Variants in SLCO1B1 observed in about 807,000 individuals in gnomAD.
The protein encoded by SLCO1B1 is OATP-2.
SLCO1B1 carries 81 observed loss-of-function variants against 70.1 expected under a neutral mutation model. That is an observed-to-expected ratio of 1.16 (90% confidence interval 0.97 to 1.39). SLCO1B1 has a LOEUF of 1.39. Ranked by LOEUF, SLCO1B1 falls within the 40% of genes most tolerant of loss-of-function variation. SLCO1B1 has a pLI of 0.00. For missense variants in SLCO1B1, 895 were observed against 799.6 expected (o/e 1.12, Z -1.44); for synonymous variants, 283 against 271.5 (o/e 1.04, Z -0.42).
intron 2 of SLCO1B1, among the ~76,000 whole-genome samples, chr12:21,159,811 C>T (rs1167269465): frequency 1.3e-5 from 2 of 151,998 alleles, no homozygotes; most frequent in African/African-American, 4.8e-5. Flanking sequence ...AAATCAGTAG[C>T]ATTCCTATAC....
intron 12 of SLCO1B1, among the ~76,000 whole-genome samples, chr12:21,220,656 C>A (rs770891503): frequency 6.6e-6 from 1 of 151,836 alleles, no homozygotes; most frequent in Non-Finnish European, 1.5e-5. Context: ...TAGGAAAGAG[C>A]GTTGTCCTCA....
rs1432077217 is a variant in SLCO1B1, at chr12:21,178,809, C to G, written c.628+87C>G. 9 of 1,384,854 alleles carry G rather than the reference C, an allele frequency of 6.5e-6. No individual in the cohort carries two copies. The Middle Eastern group carries it at 1.2e-3, about 178-fold the overall frequency. 85.8% of individuals were successfully genotyped at this position (1,384,854 alleles called of 1,614,324 possible). On this transcript the variant is annotated intron_variant, in intron 6 of 14. Coordinates refer to ENST00000256958, the MANE Select transcript of SLCO1B1 (RefSeq NM_006446.5). Reference sequence around the variant, plus strand: ...AGAGTTACTAAACTTATTATTTTACCTATTAGAACATATATTTGGGTATAT... The same window carrying G: ...AGAGTTACTAAACTTATTATTTTACGTATTAGAACATATATTTGGGTATAT...
At chr12:21,142,070 T>TTA (rs58005988) in intron 2 of SLCO1B1, among the ~76,000 whole-genome samples, 4 of 147,488 alleles carry the variant, frequency 2.7e-5, no homozygotes, top group African/African-American at 4.9e-5. Flanking sequence ...AAAATTCTTT[T>TTA]AAAAAAAAAA....
At chr12:21,238,226 C>T (rs1806104344) in intron 14 of SLCO1B1, among the ~76,000 whole-genome samples, 1 of 152,096 alleles carries the variant, frequency 6.6e-6, no homozygotes, top group African/African-American at 2.4e-5. Flanking sequence ...GTTCTATCTA[C>T]TAATAAGCCC....
chr12:21,166,008 GAA>G (rs554374583), intron 2 of SLCO1B1, among the ~76,000 whole-genome samples: 1 of 142,930 alleles, frequency 7.0e-6, no homozygotes, highest in African/African-American at 2.6e-5. Context: ...GAAGCAGAAA[GAA>G]AAAAAAAACG....
chr12:21,182,286 C>A (rs1940910598), intron 7 of SLCO1B1, among the ~76,000 whole-genome samples: 1 of 152,110 alleles, frequency 6.6e-6, no homozygotes, highest in South Asian at 2.1e-4. Flanking sequence ...GAACCCACGA[C>A]CCCCAGAGAC....
chr12:21,141,359 T>G lies in SLCO1B1; in HGVS notation c.-61-155T>G, dbSNP rs2010668. Among the ~76,000 whole-genome samples the G allele has an allele frequency of 0.9, 136,787 of 151,858 alleles. 61,904 individuals carry two copies. The highest frequency in any genetic ancestry group is 0.97 in the South Asian group (4,687 of 4,826). ...TTGTGTCTGTCTTTCCTACTTTTGT[T>G]TCCAGCATTGACCTAGCAGAGTGGT... On this transcript the variant is annotated intron_variant, in intron 1 of 14. Transcript: ENST00000256958.
chr12:21,133,437 C>T (rs1940169901), intron 1 of SLCO1B1, among the ~76,000 whole-genome samples: 1 of 152,188 alleles, frequency 6.6e-6, no homozygotes, highest in African/African-American at 2.4e-5. Context: ...TGGCCATTTT[C>T]ATGATATTGA....
In SLCO1B1 at chr12:21,197,208, T is replaced by C; in HGVS notation, c.970+20T>C. On this transcript the variant is annotated intron_variant, in intron 8 of 14. Coordinates refer to ENST00000256958, the MANE Select transcript of SLCO1B1 (RefSeq NM_006446.5). ...TGACTGGTAAGTATTTAACATTCAT[T>C]GTCAATTTGGAGTTGTTAATCTCAA... The C allele has an allele frequency of 1.2e-6, 2 of 1,611,532 alleles. No homozygotes were observed. The highest frequency in any genetic ancestry group is 1.7e-6 in the Non-Finnish European group (2 of 1,178,826).
chr12:21,204,729 T>G (rs947180886), intron 10 of SLCO1B1, among the ~76,000 whole-genome samples: 3 of 151,910 alleles, frequency 2.0e-5, no homozygotes, highest in Middle Eastern at 3.2e-3. Flanking sequence ...TTCTAAAGGC[T>G]GGAACATGTA....
At chr12:21,186,278 A>C (rs1400301629) in intron 7 of SLCO1B1, among the ~76,000 whole-genome samples, 1 of 152,128 alleles carries the variant, frequency 6.6e-6, no homozygotes, top group Non-Finnish European at 1.5e-5. Context: ...ATTGACTGTA[A>C]TATATACGTT....
At chr12:21,158,757 T>G (rs1053023180) in intron 2 of SLCO1B1, among the ~76,000 whole-genome samples, 1 of 152,126 alleles carries the variant, frequency 6.6e-6, no homozygotes, top group Non-Finnish European at 1.5e-5. Context: ...AATTCAAGAT[T>G]TATAATTATT....
chr12:21,208,228 T>G (rs1384712458), intron 11 of SLCO1B1, among the ~76,000 whole-genome samples: 1 of 152,086 alleles, frequency 6.6e-6, no homozygotes, highest in Non-Finnish European at 1.5e-5. Flanking sequence ...ATATCCAGAA[T>G]CTTTTCTTGG....
chr12:21,139,454 T>A (rs1316782238), intron 1 of SLCO1B1, among the ~76,000 whole-genome samples: 2 of 152,166 alleles, frequency 1.3e-5, no homozygotes, highest in African/African-American at 4.8e-5. Flanking sequence ...AACCATATGT[T>A]GATATATACT....
At chr12:21,208,461 GT>G (rs1423636745) in intron 11 of SLCO1B1, among the ~76,000 whole-genome samples, 1 of 151,990 alleles carries the variant, frequency 6.6e-6, no homozygotes, top group Non-Finnish European at 1.5e-5. Flanking sequence ...TTGCTTCTGG[GT>G]TCTCTATTCT....
intron 1 of SLCO1B1, 135 bp downstream of exon 1, chr12:21,131,371 C>T (rs1229517422): frequency 5.3e-5 from 8 of 151,916 alleles, no homozygotes; most frequent in Non-Finnish European, 1.0e-4. Flanking sequence ...ATTCTGAGCC[C>T]TTAAAACATA....
In SLCO1B1 at chr12:21,202,697, A is replaced by T. The variant is rs1025282419; in HGVS notation, c.1331+11A>T. On this transcript the variant is annotated intron_variant, in intron 10 of 14. Transcript: ENST00000256958. ...CATGACCTATGATGGGTTTGTATAT[A>T]TCACTATATCAATTGCATAATATGT... is the stretch of plus-strand genomic sequence containing the variant. The T allele has an allele frequency of 1.3e-6, 2 of 1,586,958 alleles. No individual in the cohort carries two copies. The highest frequency in any genetic ancestry group is 1.8e-4 in the Middle Eastern group (1 of 5,676).
intron 1 of SLCO1B1, among the ~76,000 whole-genome samples, chr12:21,133,835 G>T (rs1184633937): frequency 6.6e-6 from 1 of 152,058 alleles, no homozygotes; most frequent in Non-Finnish European, 1.5e-5. Context: ...TTCTTCTCCT[G>T]CCTGATTGCC....
At chr12:21,196,253 C>T (rs1189782892) in intron 7 of SLCO1B1, among the ~76,000 whole-genome samples, 1 of 151,948 alleles carries the variant, frequency 6.6e-6, no homozygotes, top group African/African-American at 2.4e-5. Flanking sequence ...CTCATATTGG[C>T]TTTTTTTATT....
Sources: allele counts gnomAD v4.1 joint callset (sites outside exome capture counted in the v4.1 genomes callset), GRCh38; gene constraint gnomAD v4.1.1; transcripts MANE v1.5; gene names NCBI Gene and HGNC (gene_info 2026-07-23, HGNC 2026-07-21).